MEGF11: variants seen among roughly 807,000 people sequenced by gnomAD.
The protein encoded by MEGF11 is multiple EGF like domains 11.
A neutral mutation model predicts 146.6 loss-of-function variants in MEGF11; 126 were observed. The observed-to-expected ratio is 0.86, with a 90% CI of 0.74 to 1.00. MEGF11 has a LOEUF of 1.00. Ranked by LOEUF, MEGF11 falls within the 50% of genes least tolerant of loss-of-function variation. MEGF11 has a pLI of 0.00. For missense variants in MEGF11, 1,509 were observed against 1,521.2 expected (o/e 0.99, Z 0.13); for synonymous variants, 532 against 583.4 (o/e 0.91, Z 1.27).
rs576862441 is a variant in MEGF11, at chr15:66,124,067, G to T, written c.99-67C>A. 235 of 1,322,384 alleles carry T rather than the reference G, an allele frequency of 1.8e-4. 3 individuals carry two copies. The South Asian group carries it at 2.3e-3, about 13-fold the overall frequency. The allele number at this position is 1,322,384 out of a possible 1,614,324, so 81.9% of individuals were successfully genotyped here. On this transcript the variant is annotated intron_variant, in intron 2 of 25. Coordinates refer to ENST00000395614, the MANE Select transcript of MEGF11 (RefSeq NM_001385028.1). ...GGAAGCTGAGCTGATATTCCGCAGG[G>T]CATCTGAGCCCACAGCCCTGAGGCC...
At chr15:66,091,650 T>C (rs972546114) in intron 5 of MEGF11, among the ~76,000 whole-genome samples, 1 of 152,238 alleles carries the variant, frequency 6.6e-6, no homozygotes, top group African/African-American at 2.4e-5. Context: ...TATAAGTTTG[T>C]TGTGAAAATT....
chr15:66,019,074 G>A (rs1306372692), intron 5 of MEGF11, among the ~76,000 whole-genome samples: 3 of 152,186 alleles, frequency 2.0e-5, no homozygotes, highest in Non-Finnish European at 4.4e-5. Context: ...GTCTCCACAC[G>A]TCAGGCTTGG....
intron 10 of MEGF11, among the ~76,000 whole-genome samples, chr15:65,956,189 T>G (rs915011125): frequency 6.6e-6 from 1 of 152,190 alleles, no homozygotes; most frequent in Non-Finnish European, 1.5e-5. Context: ...GATTTCACTG[T>G]GCAGCCCAAG....
Position 65,917,949 on chromosome 15 carries a change from A to T in MEGF11, c.2086+17T>A, listed in dbSNP as rs1360641417. On this transcript the variant is annotated intron_variant, in intron 16 of 25. Coordinates refer to ENST00000395614, the MANE Select transcript of MEGF11 (RefSeq NM_001385028.1). ...CCTGACCCCAGGTAGGGGCATTCCC[A>T]GGTGGCAGCAGCTTACCCTGTGAGC... 3.7e-6 allele frequency: 6 copies of T among 1,613,732 alleles called. No homozygotes were observed. In the South Asian group the frequency reaches 5.5e-5, roughly 15 times the overall value.
chr15:65,898,969 G>T (rs1270615970), intron 24 of MEGF11, 35 bp from the exon 25 acceptor site: 1 of 1,607,012 alleles, frequency 6.2e-7, no homozygotes, highest in Non-Finnish European at 8.5e-7. Flanking sequence ...GGACAAGCAA[G>T]AATACAAGTC....
chr15:66,006,111 C>T (rs1173362509), intron 5 of MEGF11, among the ~76,000 whole-genome samples: 5 of 152,194 alleles, frequency 3.3e-5, no homozygotes, highest in Non-Finnish European at 7.3e-5. Flanking sequence ...GACCTGACCT[C>T]ATAGAGAGAT....
At position 65,916,837 on chromosome 15, in the gene MEGF11, A is replaced by G. The variant is rs774152476; in HGVS notation, c.2206T>C (p.Cys736Arg). 10 of 1,607,566 alleles carry G rather than the reference A, an allele frequency of 6.2e-6. No individual in the cohort carries two copies. In the Admixed American group the frequency reaches 1.7e-4, roughly 27 times the overall value. Residue 736 changes from cysteine to arginine, a missense_variant, in exon 17 of 26, where the codon TGC becomes CGC. Cys to Arg is a radical substitution (Grantham distance 180). Transcript: ENST00000395614. Reference sequence around the variant, plus strand: ...AGGAGGTGGGGCTTACGCTGTGTGCAGAAGAGTCCAGTCCAGCCAGGGGTG... The same window carrying G: ...AGGAGGTGGGGCTTACGCTGTGTGCGGAAGAGTCCAGTCCAGCCAGGGGTG... ...HCTPGWTGLFCTQRCPAAFFG... is the reference protein window; with the variant it reads ...HCTPGWTGLFRTQRCPAAFFG...
At chr15:65,954,992 T>C (rs181044330) in intron 10 of MEGF11, among the ~76,000 whole-genome samples, 24 of 152,258 alleles carry the variant, frequency 1.6e-4, no homozygotes, top group South Asian at 8.3e-4. Flanking sequence ...TTTCCCCTTT[T>C]CCCCCAGAAC....
intron 4 of MEGF11, among the ~76,000 whole-genome samples, chr15:66,106,673 C>T (rs1056111727): frequency 1.3e-5 from 2 of 152,108 alleles, no homozygotes; most frequent in Non-Finnish European, 2.9e-5. Flanking sequence ...TGGTATAACA[C>T]GCCTGCACAG....
chr15:66,068,010 G>A (rs1213213140), intron 5 of MEGF11, among the ~76,000 whole-genome samples: 1 of 152,192 alleles, frequency 6.6e-6, no homozygotes, highest in East Asian at 1.9e-4. Context: ...TCACTTTGCT[G>A]AGCCTCAGTT....
At chr15:66,187,012 G>T (rs2090727052) in intron 1 of MEGF11, among the ~76,000 whole-genome samples, 1 of 152,190 alleles carries the variant, frequency 6.6e-6, no homozygotes, top group Non-Finnish European at 1.5e-5. Context: ...CTGAACCCCA[G>T]CTTCCTCTCT....
In MEGF11 at chr15:66,128,354, G is replaced by A. The variant is rs1328214691; in HGVS notation, c.50C>T (p.Thr17Ile). The change falls in exon 2 of 26, where the codon ACC becomes ATC. Residue 17 changes from threonine to isoleucine, a missense_variant. By Grantham distance (89) the Thr-to-Ile change is moderately conservative. Coordinates refer to ENST00000395614, the MANE Select transcript of MEGF11 (RefSeq NM_001385028.1). ...GLIAFSFLQA[T>I]LALNPEDPNV... is the part of the protein sequence containing the mutation. The stretch of plus-strand genomic sequence containing the variant: ...GGGGTCCTCGGGGTTCAGGGCAAGG[G>A]TGGCTTGCAGGAAGGAGAAGGCAAT... 2.0e-6 allele frequency: 3 copies of A among 1,525,504 alleles called. No individual in the cohort carries two copies. Among genetic ancestry groups the A allele is most frequent in the Middle Eastern group, 1.7e-4 (1 of 5,888 alleles). The allele number at this position is 1,525,504 out of a possible 1,614,324, so 94.5% of individuals were successfully genotyped here.
intron 5 of MEGF11, among the ~76,000 whole-genome samples, chr15:65,995,714 A>C (rs2082177185): frequency 6.6e-6 from 1 of 152,150 alleles, no homozygotes; most frequent in South Asian, 2.1e-4. Context: ...CTGCTGTGCT[A>C]CTTAAGGGAT....
At chr15:66,070,686 C>A (rs1038006479) in intron 5 of MEGF11, among the ~76,000 whole-genome samples, 1 of 152,192 alleles carries the variant, frequency 6.6e-6, no homozygotes, top group African/African-American at 2.4e-5. Context: ...ATCTCCCTCC[C>A]CACCCCGCAG....
At chr15:66,101,800 C>A (rs570530489) in intron 4 of MEGF11, among the ~76,000 whole-genome samples, 1 of 152,144 alleles carries the variant, frequency 6.6e-6, no homozygotes, top group Non-Finnish European at 1.5e-5. Context: ...CAATGCTGAG[C>A]CCCAAATCCC....
intron 1 of MEGF11, among the ~76,000 whole-genome samples, chr15:66,231,716 T>C (rs2091971276): frequency 6.6e-6 from 1 of 152,214 alleles, no homozygotes; most frequent in Non-Finnish European, 1.5e-5. Context: ...GCAGCTATAG[T>C]GATGCTTAAT....
At chr15:66,219,719 C>A (rs1021946293) in intron 1 of MEGF11, among the ~76,000 whole-genome samples, 48 of 139,494 alleles carry the variant, frequency 3.4e-4, no homozygotes, top group Non-Finnish European at 6.4e-4. Context: ...CAAAAAAAAA[C>A]GTATCTACCA....
intron 4 of MEGF11, among the ~76,000 whole-genome samples, chr15:66,100,918 GGGTA>G (rs1206272896): frequency 1.3e-5 from 2 of 150,582 alleles, no homozygotes; most frequent in Non-Finnish European, 3.0e-5. Context: ...GTGAGTGAGT[GGGTA>G]GGTAGGTGAG....
At chr15:66,204,560 C>A (rs756696932) in intron 1 of MEGF11, among the ~76,000 whole-genome samples, 1 of 152,168 alleles carries the variant, frequency 6.6e-6, no homozygotes, top group Admixed American at 6.5e-5. Flanking sequence ...AGTACAGGCC[C>A]GCCTACCTGC....
Sources: allele counts gnomAD v4.1 joint callset (sites outside exome capture counted in the v4.1 genomes callset), GRCh38; gene constraint gnomAD v4.1.1; transcripts MANE v1.5; gene names NCBI Gene and HGNC (gene_info 2026-07-23, HGNC 2026-07-21).